VPS41: variants seen among roughly 807,000 people sequenced by gnomAD.
VPS41 encodes the protein vacuolar protein sorting-associated protein 41 homolog.
In VPS41, 85 loss-of-function variants were observed where a neutral mutation model predicts 130.9. The observed-to-expected ratio is 0.65, with a 90% CI of 0.55 to 0.78. The LOEUF (loss-of-function observed/expected upper bound fraction) is 0.78, where lower values mean the gene tolerates loss of function less well. VPS41 is among the 30% of genes least tolerant of loss of function. The probability of loss-of-function intolerance (pLI) is 0.00; values close to 1 mark genes in which losing one functional copy is unlikely to be tolerated. For missense variants in VPS41, 874 were observed against 1,018.7 expected (o/e 0.86, Z 1.93); for synonymous variants, 335 against 332.9 (o/e 1.01, Z -0.07).
intron 4 of VPS41, among the ~76,000 whole-genome samples, chr7:38,860,693 CTGTTTGTGTGTGTG>C (rs1460606658): frequency 7.4e-6 from 1 of 134,342 alleles, no homozygotes; most frequent in African/African-American, 3.0e-5. Context: ...TATTAACAAT[CTGTTTGTGTGTGTG>C]TGTGTGTGTG....
At chr7:38,769,442 T>C (rs373879078) in intron 14 of VPS41, among the ~76,000 whole-genome samples, 1 of 152,218 alleles carries the variant, frequency 6.6e-6, no homozygotes, top group East Asian at 1.9e-4. Context: ...CCCTAATGTG[T>C]CCTGTGCAGA....
chr7:38,752,113 C>A, intron 22 of VPS41, 63 bp downstream of exon 22: 1 of 1,601,214 alleles, frequency 6.2e-7, no homozygotes, highest in Admixed American at 1.7e-5. Context: ...GAAAGACAAA[C>A]AACTTACCAT....
intron 1 of VPS41, among the ~76,000 whole-genome samples, chr7:38,907,081 A>G (rs945320077): frequency 1.3e-5 from 1 of 77,492 alleles, no homozygotes; most frequent in Non-Finnish European, 3.8e-5. Flanking sequence ...ATACAGGGAA[A>G]AAAAAAAAAA....
At position 38,746,605 on chromosome 7, in the gene VPS41, G is replaced by A. The variant is rs1311353475; in HGVS notation, c.1927-992C>T. 2.0e-5 allele frequency among the ~76,000 whole-genome samples: 3 copies of A among 152,102 alleles called. No homozygotes were observed. The East Asian group carries it at 5.8e-4, about 29-fold the overall frequency. On this transcript the variant is annotated intron_variant, in intron 22 of 28. Coordinates refer to ENST00000310301, the MANE Select transcript of VPS41 (RefSeq NM_014396.4). Reference sequence around the variant, plus strand: ...CACTGAAACTGTGTGGTCCTCTTGTGAGAAGCTTCAAGGGGAAGTGGCATC... The same window carrying A: ...CACTGAAACTGTGTGGTCCTCTTGTAAGAAGCTTCAAGGGGAAGTGGCATC...
At position 38,788,696 on chromosome 7, in the gene VPS41, C is replaced by G. The variant is rs1784482918; in HGVS notation, c.784+1105G>C. Among the ~76,000 whole-genome samples, 3 of 152,056 alleles carry G rather than the reference C, an allele frequency of 2.0e-5. 1 individual carries two copies. In the South Asian group the frequency reaches 6.2e-4, roughly 32 times the overall value. ...CATAAATCTTGTCTCTTATCTTGGTCCTCAGTTTTTCTCAGCACTGCTACA... is the reference window on the plus strand; with the variant it reads ...CATAAATCTTGTCTCTTATCTTGGTGCTCAGTTTTTCTCAGCACTGCTACA... On this transcript the variant is annotated intron_variant, in intron 10 of 28. Transcript: ENST00000310301.
At chr7:38,805,574 A>G (rs1195831779) in intron 7 of VPS41, among the ~76,000 whole-genome samples, 1 of 151,858 alleles carries the variant, frequency 6.6e-6, no homozygotes, top group Non-Finnish European at 1.5e-5. Context: ...AAAAGTTGAA[A>G]AAAAAAAAAA....
chr7:38,743,287 T>C, intron 24 of VPS41, 115 bp downstream of exon 24: 3 of 1,164,520 alleles, frequency 2.6e-6, no homozygotes, highest in Non-Finnish European at 3.7e-6. Context: ...ATTTTTATTG[T>C]AGGTACGCTA....
At chr7:38,770,587 A>G (rs1310935576) in intron 14 of VPS41, among the ~76,000 whole-genome samples, 2 of 152,284 alleles carry the variant, frequency 1.3e-5, no homozygotes, top group Non-Finnish European at 1.5e-5. Flanking sequence ...TGAAACCCAA[A>G]TAGGCATAAA....
chr7:38,752,048 G>T, intron 22 of VPS41, 128 bp downstream of exon 22: 2 of 1,354,480 alleles, frequency 1.5e-6, no homozygotes, highest in Non-Finnish European at 2.0e-6. Flanking sequence ...CTACTTCTTT[G>T]AGAGCAACAG....
intron 5 of VPS41, among the ~76,000 whole-genome samples, chr7:38,822,591 G>C (rs1714455258): frequency 1.3e-5 from 2 of 152,126 alleles, no homozygotes; most frequent in South Asian, 2.1e-4. Context: ...TGACCACTTA[G>C]GTTGTTTCCA....
intron 1 of VPS41, among the ~76,000 whole-genome samples, chr7:38,907,412 C>G (rs953511646): frequency 1.3e-5 from 2 of 152,168 alleles, no homozygotes; most frequent in African/African-American, 4.8e-5. Context: ...GGTCAAGGTC[C>G]TGTGGGACAA....
intron 3 of VPS41, among the ~76,000 whole-genome samples, chr7:38,865,368 T>C (rs1454969161): frequency 6.6e-6 from 1 of 152,136 alleles, no homozygotes; most frequent in Non-Finnish European, 1.5e-5. Context: ...TAATGAAGTT[T>C]GACCTCTAGG....
At chr7:38,765,919 A>G (rs1007131118) in intron 15 of VPS41, among the ~76,000 whole-genome samples, 1 of 152,236 alleles carries the variant, frequency 6.6e-6, no homozygotes, top group African/African-American at 2.4e-5. Context: ...TCAGAAGACT[A>G]TAACTAGGGG....
intron 1 of VPS41, 90 bp downstream of exon 1, chr7:38,909,064 G>T (rs113003843): frequency 7.2e-7 from 1 of 1,392,436 alleles, no homozygotes; most frequent in Non-Finnish European, 1.0e-6. Flanking sequence ...CAGCAGCTCC[G>T]CACCTCCACC....
chr7:38,817,905 C>T (rs1390274187), intron 6 of VPS41, 23 bp from the exon 7 acceptor site: 1 of 1,609,348 alleles, frequency 6.2e-7, no homozygotes, highest in Non-Finnish European at 8.5e-7. Flanking sequence ...CAGAACCCAA[C>T]TCTGGTTTAG....
chr7:38,867,502 G>A (rs968339193), intron 3 of VPS41, among the ~76,000 whole-genome samples: 7 of 151,224 alleles, frequency 4.6e-5, no homozygotes, highest in African/African-American at 1.2e-4. Context: ...CCCAGATTGC[G>A]CCATTGCACT....
At position 38,796,797 on chromosome 7, in the gene VPS41, T is replaced by C; in HGVS notation, c.518A>G (p.Asn173Ser). ...KSAVLHEGEG[N>S]IRSVKWRGHL... ...GCCTCTCCACTTCACACTCCTTATG[T>C]TCCCTTCCCCTTCATGCAGAACAGC... Residue 173 changes from asparagine (N) to serine (S), a missense_variant, in exon 8 of 29, where the codon AAC (asparagine) becomes AGC (serine). By Grantham distance (46) the Asn-to-Ser change is conservative. Transcript: ENST00000310301. The C allele has an allele frequency of 1.2e-6, 2 of 1,613,984 alleles. No homozygotes were observed. Among genetic ancestry groups the C allele is most frequent in the Non-Finnish European group, 1.7e-6 (2 of 1,179,880 alleles).
intron 7 of VPS41, among the ~76,000 whole-genome samples, chr7:38,805,579 A>AG (rs935460108): frequency 1.3e-5 from 2 of 151,856 alleles, no homozygotes; most frequent in African/African-American, 2.4e-5. Context: ...TTGAAAAAAA[A>AG]AAAAATCAGG....
chr7:38,767,475 T>TA (rs1305972461), intron 15 of VPS41, 62 bp downstream of exon 15: 12 of 1,157,216 alleles, frequency 1.0e-5, no homozygotes, highest in Admixed American at 8.4e-5. Flanking sequence ...GGCTTATTTT[T>TA]ACTGTTAGCA....
Sources: gnomAD v4.1 joint callset for allele counts (sites outside exome capture counted in the v4.1 genomes callset) on GRCh38, gnomAD v4.1.1 for gene constraint, MANE v1.5 for transcripts, NCBI Gene and HGNC (gene_info 2026-07-23, HGNC 2026-07-21) for gene names.